Variants in SIK2 observed in about 807,000 individuals in gnomAD.
The protein encoded by SIK2 is salt inducible kinase 2, also known as serine/threonine-protein kinase SIK2.
SIK2 carries 29 observed loss-of-function variants against 103.2 expected under a neutral mutation model. That is an observed-to-expected ratio of 0.28 (90% CI 0.21 to 0.38). The LOEUF is 0.38. SIK2 is among the 10% of genes least tolerant of loss of function. SIK2 has a pLI of 1.00. For missense variants in SIK2, 879 were observed against 1,171.0 expected (o/e 0.75, Z 3.64); for synonymous variants, 412 against 446.1 (o/e 0.92, Z 0.96).
intron 3 of SIK2, among the ~76,000 whole-genome samples, chr11:111,640,722 ATTTTTTTTTTTTTT>A (rs58052684): frequency 1.3e-3 from 83 of 65,956 alleles, no homozygotes; most frequent in African/African-American, 5.6e-3. Context: ...GAAACAGGCA[ATTTTTTTTTTTTTT>A]TTTTTTTTTT....
chr11:111,707,668 T>C (rs1309575659), intron 8 of SIK2, among the ~76,000 whole-genome samples: 1 of 152,240 alleles, frequency 6.6e-6, no homozygotes, highest in Non-Finnish European at 1.5e-5. Context: ...TGGATATAAA[T>C]GTGCCTAAAG....
chr11:111,607,870 A>G (rs1370343134), intron 1 of SIK2, among the ~76,000 whole-genome samples: 1 of 152,216 alleles, frequency 6.6e-6, no homozygotes, highest in Non-Finnish European at 1.5e-5. Flanking sequence ...ACAGAGTTTA[A>G]TGTGTTCTGA....
chr11:111,671,800 G>T, intron 3 of SIK2: 1 of 411,640 alleles, frequency 2.4e-6, no homozygotes, highest in Non-Finnish European at 4.8e-6. Context: ...CCTTCTTGAT[G>T]AAGACAAATT....
At chr11:111,643,358 G>T (rs542241987) in intron 3 of SIK2, among the ~76,000 whole-genome samples, 1 of 152,154 alleles carries the variant, frequency 6.6e-6, no homozygotes, top group South Asian at 2.1e-4. Flanking sequence ...GCTAATGCAT[G>T]CAGGGCTTAA....
At chr11:111,677,201 T>G (rs867729738) in intron 3 of SIK2, among the ~76,000 whole-genome samples, 11 of 152,344 alleles carry the variant, frequency 7.2e-5, no homozygotes, top group Middle Eastern at 3.4e-3. Flanking sequence ...TCAGTTTTTG[T>G]TTTTGTTTTT....
intron 8 of SIK2, among the ~76,000 whole-genome samples, chr11:111,711,121 A>ATT (rs773337497): frequency 9.8e-4 from 141 of 143,976 alleles, no homozygotes; most frequent in African/African-American, 3.1e-3. Context: ...CTTTTAAATG[A>ATT]TTTTTTTTTT....
chr11:111,642,982 C>G (rs748282191), intron 3 of SIK2, among the ~76,000 whole-genome samples: 1 of 152,118 alleles, frequency 6.6e-6, no homozygotes, highest in Non-Finnish European at 1.5e-5. Context: ...AAAATTTCTT[C>G]GTTTTTTTTA....
chr11:111,629,933 A>G (rs569441466), intron 3 of SIK2, among the ~76,000 whole-genome samples: 3 of 152,324 alleles, frequency 2.0e-5, no homozygotes, highest in African/African-American at 7.2e-5. Flanking sequence ...AAACATGCAT[A>G]TACCCCATCA....
At chr11:111,661,711 T>C (rs998918549) in intron 3 of SIK2, among the ~76,000 whole-genome samples, 13 of 152,220 alleles carry the variant, frequency 8.5e-5, no homozygotes, top group South Asian at 2.1e-4. Context: ...AGGGAGGCCT[T>C]ACAATCATGG....
At chr11:111,633,072 A>G (rs1465750258) in intron 3 of SIK2, among the ~76,000 whole-genome samples, 1 of 152,178 alleles carries the variant, frequency 6.6e-6, no homozygotes, top group East Asian at 1.9e-4. Context: ...TAATCTCCAT[A>G]TTCTCAAAAT....
At chr11:111,698,440 G>A (rs1943130540) in intron 4 of SIK2, among the ~76,000 whole-genome samples, 1 of 152,102 alleles carries the variant, frequency 6.6e-6, no homozygotes, top group Non-Finnish European at 1.5e-5. Context: ...AGGGCTCCTG[G>A]AGACATTAAA....
intron 4 of SIK2, among the ~76,000 whole-genome samples, chr11:111,697,990 A>C (rs1419018431): frequency 1.3e-5 from 2 of 152,186 alleles, no homozygotes; most frequent in Admixed American, 6.5e-5. Context: ...CAGCCTGGGC[A>C]ACAGAGCAAG....
chr11:111,715,187 G>T (rs1382995756), intron 9 of SIK2, among the ~76,000 whole-genome samples: 1 of 152,314 alleles, frequency 6.6e-6, no homozygotes, highest in Admixed American at 6.5e-5. Flanking sequence ...TGCCATGCTG[G>T]CACTCAGTCA....
intron 3 of SIK2, among the ~76,000 whole-genome samples, chr11:111,627,178 G>A (rs559482): frequency 0.6 from 91,805 of 151,834 alleles, 31,000 homozygotes; most frequent in East Asian, 0.96. Flanking sequence ...TAGCCAGCCC[G>A]TTTCTGACAT....
rs181671968 is a variant in SIK2, at chr11:111,646,217, A to G, written c.316+25815A>G. 2.6e-5 allele frequency among the ~76,000 whole-genome samples: 4 copies of G among 152,220 alleles called. No homozygotes were observed. In the East Asian group the frequency reaches 5.8e-4, roughly 22 times the overall value. ...GTAATCCCAGCATTTTGGGAGGCCA[A>G]GGTGGGTGGATCTCCTCAGGTCAGG... is the stretch of plus-strand genomic sequence containing the variant. On this transcript the variant is annotated intron_variant, in intron 3 of 14. Transcript: ENST00000304987.
intron 3 of SIK2, among the ~76,000 whole-genome samples, chr11:111,645,539 G>A (rs1942243799): frequency 6.6e-6 from 1 of 152,218 alleles, no homozygotes; most frequent in Admixed American, 6.5e-5. Flanking sequence ...ACAAAAAACA[G>A]GCCAGGCACA....
intron 3 of SIK2, among the ~76,000 whole-genome samples, chr11:111,628,040 A>G (rs1019157409): frequency 2.0e-5 from 3 of 152,192 alleles, no homozygotes; most frequent in Non-Finnish European, 4.4e-5. Flanking sequence ...GTGTTCAGTA[A>G]CTTTCACTCA....
chr11:111,609,218 C>A (rs528973), intron 1 of SIK2, among the ~76,000 whole-genome samples: 146,842 of 152,210 alleles, frequency 0.96, 71,066 homozygotes, highest in East Asian at 1. Context: ...CTTCTTTAAT[C>A]ATCTTAAAAA....
At chr11:111,603,955 C>A (rs922655443) in intron 1 of SIK2, among the ~76,000 whole-genome samples, 1 of 152,212 alleles carries the variant, frequency 6.6e-6, no homozygotes, top group Admixed American at 6.5e-5. Flanking sequence ...AGAAGTTTTG[C>A]TTAATCCCGT....
Sources: gnomAD v4.1 joint callset for allele counts (sites outside exome capture counted in the v4.1 genomes callset) on GRCh38, gnomAD v4.1.1 for gene constraint, MANE v1.5 for transcripts, NCBI Gene and HGNC (gene_info 2026-07-23, HGNC 2026-07-21) for gene names.